The following NUDCD3 variants were observed in gnomAD, a reference collection of about 807,000 sequenced individuals.
The protein encoded by NUDCD3 is NudC domain containing 3.
Under a neutral mutation model 39.7 loss-of-function variants are expected in NUDCD3, and 13 were observed. That is an observed-to-expected ratio of 0.33 (90% CI 0.21 to 0.52). NUDCD3 has a LOEUF of 0.52. Among genes scored for constraint, NUDCD3 ranks in the 20% least tolerant of loss-of-function variants. The pLI, the probability that NUDCD3 is intolerant of heterozygous loss-of-function variation, is 0.96. For missense variants in NUDCD3, 453 were observed against 458.1 expected, an observed-to-expected ratio of 0.99 and a Z score of 0.10; for synonymous variants, 175 against 172.4, an observed-to-expected ratio of 1.02 and a Z score of -0.12.
rs767477333 is a variant in NUDCD3 at position 44,384,445 on chromosome 7, G to T, written c.*1566C>A. The T allele has an allele frequency of 6.6e-6, 1 of 152,222 alleles. No individual in the cohort carries two copies. The highest frequency in any genetic ancestry group is 1.5e-5 in the Non-Finnish European group (1 of 68,076). 9.4% of individuals were successfully genotyped at this position (152,222 alleles called of 1,614,324 possible). On this transcript the variant is annotated 3_prime_UTR_variant, in exon 6 of 6. Coordinates refer to ENST00000355451, the MANE Select transcript of NUDCD3 (RefSeq NM_015332.4). ...ACAACAAGACTCTCACATTCCAAAG[G>T]GGGTATCTAGGGCCTTTTGCTCTCC... is the stretch of plus-strand genomic sequence containing the variant.
At chr7:44,424,393 A>G (rs1179073380) in intron 3 of NUDCD3, among the ~76,000 whole-genome samples, 1 of 152,210 alleles carries the variant, frequency 6.6e-6, no homozygotes, top group Admixed American at 6.5e-5. Context: ...CAATCTATCC[A>G]TCTGACAAAG....
chr7:44,433,375 TG>T (rs1799403098), intron 2 of NUDCD3, among the ~76,000 whole-genome samples: 1 of 152,182 alleles, frequency 6.6e-6, no homozygotes, highest in African/African-American at 2.4e-5. Context: ...ACAATGTGTG[TG>T]TGCCACATGC....
chr7:44,396,492 C>T (rs894438481), intron 4 of NUDCD3, among the ~76,000 whole-genome samples: 1 of 152,178 alleles, frequency 6.6e-6, no homozygotes, highest in African/African-American at 2.4e-5. Context: ...TCGTTATTGA[C>T]TTGCCTGGAG....
At chr7:44,416,938 GA>G (rs1002185103) in intron 3 of NUDCD3, among the ~76,000 whole-genome samples, 1 of 152,148 alleles carries the variant, frequency 6.6e-6, no homozygotes, top group Admixed American at 6.5e-5. Context: ...GACTGGGGGG[GA>G]CAACTCACTA....
At position 44,407,957 on chromosome 7, in the gene NUDCD3, A is replaced by C. The variant is rs75495150; in HGVS notation, c.643-3374T>G. 1.9e-3 allele frequency among the ~76,000 whole-genome samples: 283 copies of C among 152,288 alleles called. 1 individual carries two copies. The highest frequency in any genetic ancestry group is 6.7e-3 in the African/African-American group (278 of 41,572). On this transcript the variant is annotated intron_variant, in intron 3 of 5. Coordinates refer to ENST00000355451, the MANE Select transcript of NUDCD3 (RefSeq NM_015332.4). ...GAGCCAAAGGAAAATATGCCTCCAG[A>C]TTGAAAAGTCCCACCAAGAGCTAAG...
chr7:44,415,325 G>C lies in NUDCD3; in HGVS notation c.643-10742C>G, dbSNP rs551186525. ...AAAGTTCCTTGTCTCTATTCTGTGG[G>C]TACACTGAAGAGAGAGAGAGAGGGA... On this transcript the variant is annotated intron_variant, in intron 3 of 5. Transcript: ENST00000355451. Among the ~76,000 whole-genome samples the C allele has an allele frequency of 3.3e-5, 5 of 152,252 alleles. No individual in the cohort carries two copies. In the South Asian group the frequency reaches 1.0e-3, roughly 32 times the overall value.
chr7:44,438,971 C>T (rs966464725), intron 2 of NUDCD3, among the ~76,000 whole-genome samples: 12 of 152,120 alleles, frequency 7.9e-5, no homozygotes, highest in African/African-American at 2.9e-4. Context: ...AACAGAAGTT[C>T]TTGCTACACC....
intron 2 of NUDCD3, among the ~76,000 whole-genome samples, chr7:44,444,355 C>G (rs1292581997): frequency 6.6e-6 from 1 of 152,158 alleles, no homozygotes; most frequent in African/African-American, 2.4e-5. Context: ...AGGTTTGCTC[C>G]CTCCAAGACC....
In NUDCD3 at chr7:44,384,072, T is replaced by C. The variant is rs1243544252; in HGVS notation, c.*1939A>G. Reference sequence around the variant, plus strand: ...ATATAAAATCAGGCAAAACAAACACTAGTCACCATGGAAGTGAATGACTCT... The same window carrying C: ...ATATAAAATCAGGCAAAACAAACACCAGTCACCATGGAAGTGAATGACTCT... On this transcript the variant is annotated 3_prime_UTR_variant, in exon 6 of 6. Transcript: ENST00000355451. 1.3e-5 allele frequency: 2 copies of C among 152,154 alleles called. No homozygotes were observed. The highest frequency in any genetic ancestry group is 2.4e-5 in the African/African-American group (1 of 41,422). The allele number at this position is 152,154 out of a possible 1,614,324, so 9.4% of individuals were successfully genotyped here.
At chr7:44,467,660 A>T (rs1585098977) in intron 2 of NUDCD3, among the ~76,000 whole-genome samples, 2 of 152,236 alleles carry the variant, frequency 1.3e-5, no homozygotes, top group Middle Eastern at 6.8e-3. Flanking sequence ...AGCCCCTAAA[A>T]AAAAAAAGTA....
intron 2 of NUDCD3, among the ~76,000 whole-genome samples, chr7:44,474,744 G>A (rs1800327946): frequency 6.6e-6 from 1 of 152,210 alleles, no homozygotes; most frequent in African/African-American, 2.4e-5. Context: ...TGTTTCTTGT[G>A]AGAATTTTTT....
At chr7:44,444,790 C>T (rs1799658515) in intron 2 of NUDCD3, among the ~76,000 whole-genome samples, 1 of 152,178 alleles carries the variant, frequency 6.6e-6, no homozygotes, top group Non-Finnish European at 1.5e-5. Context: ...CCTCACTCTT[C>T]CTTAAAATCA....
chr7:44,444,493 A>C (rs1021011060), intron 2 of NUDCD3, among the ~76,000 whole-genome samples: 5 of 152,224 alleles, frequency 3.3e-5, no homozygotes, highest in African/African-American at 1.2e-4. Flanking sequence ...ATACATTCAC[A>C]AAGAGAAAAC....
At chr7:44,461,638 AAGAG>A (rs1357983941) in intron 2 of NUDCD3, among the ~76,000 whole-genome samples, 1 of 152,128 alleles carries the variant, frequency 6.6e-6, no homozygotes, top group Non-Finnish European at 1.5e-5. Context: ...AGAAGCACCA[AAGAG>A]AGAGAGAAAG....
intron 3 of NUDCD3, among the ~76,000 whole-genome samples, chr7:44,413,941 G>A (rs753856223): frequency 6.6e-6 from 1 of 151,906 alleles, no homozygotes; most frequent in African/African-American, 2.4e-5. Context: ...TGTAGTCCCA[G>A]CTGCTCAGGA....
chr7:44,490,126 C>T (rs1800700604), intron 1 of NUDCD3: 2 of 332,636 alleles, frequency 6.0e-6, no homozygotes, highest in South Asian at 1.2e-4. Flanking sequence ...CCCTGACTAG[C>T]GGCCCCCAGC....
intron 2 of NUDCD3, chr7:44,468,034 T>C (rs1285081497): frequency 6.2e-6 from 10 of 1,612,968 alleles, no homozygotes; most frequent in South Asian, 2.2e-5. Flanking sequence ...ACAGGGTTCG[T>C]AGAAGATTCA....
intron 1 of NUDCD3, chr7:44,489,762 CG>C (rs1800693495): frequency 6.6e-6 from 1 of 152,190 alleles, no homozygotes; most frequent in Non-Finnish European, 1.5e-5. Context: ...CTTAAACACC[CG>C]TATCACCCTC....
intron 5 of NUDCD3, among the ~76,000 whole-genome samples, chr7:44,386,339 C>T (rs988409139): frequency 3.3e-5 from 5 of 152,368 alleles, no homozygotes. Context: ...GACTGCTCCA[C>T]AGACTGAATT....
Sources: gnomAD v4.1 joint callset for allele counts (sites outside exome capture counted in the v4.1 genomes callset) on GRCh38, gnomAD v4.1.1 for gene constraint, MANE v1.5 for transcripts, NCBI Gene and HGNC (gene_info 2026-07-23, HGNC 2026-07-21) for gene names.